The following HAPLN3 variants were observed in gnomAD, a reference collection of about 807,000 sequenced individuals.
The protein encoded by HAPLN3 is hyaluronan and proteoglycan link protein 3, also known as extracellular link domain containing, 1.
In HAPLN3, 28 loss-of-function variants were observed where a neutral mutation model predicts 28.1. That is an observed-to-expected ratio of 1.00 (90% CI 0.74 to 1.37). The LOEUF (loss-of-function observed/expected upper bound fraction) is 1.37. Among genes scored for constraint, HAPLN3 ranks in the 40% most tolerant of loss-of-function variants. The pLI, the probability that HAPLN3 is intolerant of heterozygous loss-of-function variation, is 0.00. For missense variants in HAPLN3, 513 were observed against 504.6 expected (o/e 1.02, Z -0.16); for synonymous variants, 211 against 213.1 (o/e 0.99, Z 0.09).
chr15:88,887,935 C>G (rs1207491927), intron 1 of HAPLN3, among the ~76,000 whole-genome samples: 8 of 151,688 alleles, frequency 5.3e-5, no homozygotes, highest in Admixed American at 2.6e-4. Flanking sequence ...TGCACTCCAG[C>G]CTGGGCAACA....
Position 88,887,405 on chromosome 15 carries a change from C to T in HAPLN3, c.-47-60G>A. On this transcript the variant is annotated intron_variant, in intron 1 of 4. Transcript: ENST00000359595. ...GCCTGGCTTCCAGGGCCCACATCCC[C>T]TCTGCTCCAACACCACTCACTCGCT... 5.5e-6 allele frequency: 8 copies of T among 1,454,810 alleles called. No homozygotes were observed. In the South Asian group the frequency reaches 8.7e-5, roughly 16 times the overall value. 90.1% of individuals were successfully genotyped at this position (1,454,810 alleles called of 1,614,324 possible).
At chr15:88,890,023 GAGGAAGGAAGGAAAGGA>G (rs1456168627) in intron 1 of HAPLN3, among the ~76,000 whole-genome samples, 3 of 148,208 alleles carry the variant, frequency 2.0e-5, no homozygotes, top group African/African-American at 5.0e-5. Context: ...GGAGGAAGGG[GAGGAAGGAAGGAAAGGA>G]AGGAAGGAAG....
rs1336335815 is a variant in HAPLN3, at chr15:88,880,625, G to A, written c.493+732C>T. On this transcript the variant is annotated intron_variant, in intron 3 of 4. Transcript: ENST00000359595. This position sits in a 1 kb window ranked among gnomAD's most constrained non-coding sequence, Gnocchi z 6.0. ...ACAGCCCCATCCTAGAGACAGAGAA[G>A]GTAAATACAAATTAAAGATCAAACA... The A allele has an allele frequency of 1.7e-5, 22 of 1,286,998 alleles. No individual in the cohort carries two copies. The highest frequency in any genetic ancestry group is 5.6e-5 in the East Asian group (1 of 17,984). The allele number at this position is 1,286,998 out of a possible 1,614,324, so 79.7% of individuals were successfully genotyped here.
rs1277619546 is a variant in HAPLN3 at position 88,881,782 on chromosome 15, A to C, written c.125-57T>G. The C allele has an allele frequency of 6.5e-7, 1 of 1,544,152 alleles. No homozygotes were observed. Among genetic ancestry groups the C allele is most frequent in the African/African-American group, 1.4e-5 (1 of 73,446 alleles). On this transcript the variant is annotated intron_variant, in intron 2 of 4. Transcript: ENST00000359595. This position sits in a 1 kb window ranked among gnomAD's most constrained non-coding sequence, Gnocchi z 6.0. Reference sequence around the variant, plus strand: ...TGCTGAAGCACATCTGTACCCCTGCAAGGGCCACCGCACACCCTCATCCAC... The same window carrying C: ...TGCTGAAGCACATCTGTACCCCTGCCAGGGCCACCGCACACCCTCATCCAC...
rs1463784418 is a variant in HAPLN3, at chr15:88,877,812, T to C, written c.*158A>G. 2.7e-6 allele frequency: 2 copies of C among 727,948 alleles called. No individual in the cohort carries two copies. Among genetic ancestry groups the C allele is most frequent in the African/African-American group, 3.6e-5 (2 of 56,146 alleles). The allele number at this position is 727,948 out of a possible 1,614,324, so 45.1% of individuals were successfully genotyped here. The stretch of plus-strand genomic sequence containing the variant: ...TCCAGGAGCAAAGGGAGGCATTGGG[T>C]TCTGTTTGCTTTACAAAAAATAGTA... On this transcript the variant is annotated 3_prime_UTR_variant, in exon 5 of 5. Coordinates refer to ENST00000359595, the MANE Select transcript of HAPLN3 (RefSeq NM_178232.4). The surrounding 1 kb of genome is among the most constrained non-coding windows in gnomAD (Gnocchi z 5.1).
chr15:88,878,987 C>G lies in HAPLN3; in HGVS notation c.776G>C (p.Cys259Ser). The change falls in exon 4 of 5, where the codon TGC becomes TCC. Residue 259 changes from cysteine (C) to serine (S), a missense_variant. Physicochemically the swap from Cys to Ser is moderately radical, Grantham distance 112. Coordinates refer to ENST00000359595, the MANE Select transcript of HAPLN3 (RefSeq NM_178232.4). ...CTCACCCTTGAGGGCAGTAGCGAAG[C>G]AGAATACATCATAGCGGTGCAGGCG... ...HRRLHRYDVF[C>S]FATALKGRVY... 6.2e-7 allele frequency: 1 copy of G among 1,610,260 alleles called. No individual in the cohort carries two copies. The highest frequency in any genetic ancestry group is 1.7e-4 in the Middle Eastern group (1 of 6,056).
In HAPLN3 at chr15:88,879,380, A is replaced by C; in HGVS notation, c.494-111T>G. 1 of 1,560,590 alleles carries C rather than the reference A, an allele frequency of 6.4e-7. No homozygotes were observed. The highest frequency in any genetic ancestry group is 8.6e-7 in the Non-Finnish European group (1 of 1,161,698). On this transcript the variant is annotated intron_variant, in intron 3 of 4. Coordinates refer to ENST00000359595, the MANE Select transcript of HAPLN3 (RefSeq NM_178232.4). The surrounding 1 kb of genome is among the most constrained non-coding windows in gnomAD (Gnocchi z 5.0). ...CATGTGCTGCCTGCAACACACACAC[A>C]TACACCATCCCTCAGAAAAACTCAG...
rs1347410550 is a variant in HAPLN3, at chr15:88,895,274, G to T, written c.-48+185C>A. On this transcript the variant is annotated intron_variant, in intron 1 of 4. Transcript: ENST00000359595. The surrounding 1 kb of genome is among the most constrained non-coding windows in gnomAD (Gnocchi z 5.5). The stretch of plus-strand genomic sequence containing the variant: ...CCGCTCCCTCCCCACTTGTGCCCCG[G>T]GCGCCCCTCGCCCGCGATCACAGCC... Among the ~76,000 whole-genome samples, 1 of 152,196 alleles carries T rather than the reference G, an allele frequency of 6.6e-6. No homozygotes were observed. Among genetic ancestry groups the T allele is most frequent in the Non-Finnish European group, 1.5e-5 (1 of 68,032 alleles).
Position 88,879,269 on chromosome 15 carries a change from C to A in HAPLN3, c.494G>T (p.Gly165Val), listed in dbSNP as rs369432073. The A allele has an allele frequency of 2.5e-6, 4 of 1,605,906 alleles. No individual in the cohort carries two copies. Among genetic ancestry groups the A allele is most frequent in the Non-Finnish European group, 3.4e-6 (4 of 1,175,964 alleles). The change falls in exon 4 of 5, where the codon GGT (glycine) becomes GTT (valine). Residue 165 changes from glycine (G) to valine (V), a missense_variant and splice_region_variant. Transcript: ENST00000359595. This position sits in a 1 kb window ranked among gnomAD's most constrained non-coding sequence, Gnocchi z 5.0. ...ESGLVELELR[G>V]VVFPYQSPNG... ...GGGGGACTGGTAAGGAAAGACCACA[C>A]CTGCAGGGGAAGGAAAGAGGAGCTT...
Position 88,878,096 on chromosome 15 carries a change from A to G in HAPLN3, c.957T>C (p.Gly319=), listed in dbSNP as rs2280463. The part of the protein sequence containing the change: ...DRCDAGWLAD[G]SVRYPVVHPH... Reference sequence around the variant, plus strand: ...GGTGAACCACAGGGTAGCGGACGCTACCATCTGCCAGCCAGCCAGCGTCGC... The same window carrying G: ...GGTGAACCACAGGGTAGCGGACGCTGCCATCTGCCAGCCAGCCAGCGTCGC... Residue 319 remains glycine (G), a synonymous_variant, in exon 5 of 5, where the codon GGT becomes GGC. Transcript: ENST00000359595. The G allele has an allele frequency of 0.33, 526,452 of 1,613,616 alleles. 94,287 individuals are homozygous for G. Among genetic ancestry groups the G allele is most frequent in the African/African-American group, 0.76 (56,963 of 74,948 alleles).
At chr15:88,884,256 G>A (rs901583256) in intron 2 of HAPLN3, among the ~76,000 whole-genome samples, 6 of 151,960 alleles carry the variant, frequency 3.9e-5, no homozygotes, top group African/African-American at 9.7e-5. Context: ...TTTAAATTCC[G>A]CAAATCTCAT....
chr15:88,885,503 G>A (rs1175405395), intron 2 of HAPLN3, among the ~76,000 whole-genome samples: 1 of 149,252 alleles, frequency 6.7e-6, no homozygotes, highest in Non-Finnish European at 1.5e-5. Flanking sequence ...TGTCGTTCAG[G>A]CTGGAGTGCA....
At chr15:88,894,664 C>T (rs1345353638) in intron 1 of HAPLN3, among the ~76,000 whole-genome samples, 3 of 152,242 alleles carry the variant, frequency 2.0e-5, no homozygotes, top group African/African-American at 7.2e-5. Flanking sequence ...CCAGGGAGCA[C>T]AGGCACTCCC....
rs143702356 is a variant in HAPLN3 at position 88,881,628 on chromosome 15, G to A, written c.222C>T (p.Tyr74=). The A allele has an allele frequency of 1.1e-4, 183 of 1,613,980 alleles. 1 individual carries two copies. In the African/African-American group the frequency reaches 1.7e-3, roughly 15 times the overall value. The change falls in exon 3 of 5, where the codon TAC becomes TAT. Residue 74 remains tyrosine, a synonymous_variant. Coordinates refer to ENST00000359595, the MANE Select transcript of HAPLN3 (RefSeq NM_178232.4). The surrounding 1 kb of genome is among the most constrained non-coding windows in gnomAD (Gnocchi z 6.0). Reference sequence around the variant, plus strand: ...GCCGCGGGGAGACCAGGGCCGGCTCGTAGCGGTAGCGGCAGGGCAGGATCA... The same window carrying A: ...GCCGCGGGGAGACCAGGGCCGGCTCATAGCGGTAGCGGCAGGGCAGGATCA... ...ASVILPCRYR[Y]EPALVSPRRV...
chr15:88,881,245 T>G lies in HAPLN3; in HGVS notation c.493+112A>C, dbSNP rs780337816. 4.9e-5 allele frequency: 68 copies of G among 1,376,468 alleles called. No individual in the cohort carries two copies. Among genetic ancestry groups the G allele is most frequent in the Admixed American group, 4.1e-4 (18 of 44,012 alleles). 85.3% of individuals were successfully genotyped at this position (1,376,468 alleles called of 1,614,324 possible). ...ACAGTAGCTTCCATGTGGGTTGTTT[T>G]GAGAATTAAGTACTTTTAAATGTCT... On this transcript the variant is annotated intron_variant, in intron 3 of 4. Coordinates refer to ENST00000359595, the MANE Select transcript of HAPLN3 (RefSeq NM_178232.4). This position sits in a 1 kb window ranked among gnomAD's most constrained non-coding sequence, Gnocchi z 6.0.
rs764575267 is a variant in HAPLN3, at chr15:88,881,520, G to T, written c.330C>A (p.Arg110=). Residue 110 remains arginine, a synonymous_variant, in exon 3 of 5, where the codon CGC becomes CGA. Transcript: ENST00000359595. The surrounding 1 kb of genome is among the most constrained non-coding windows in gnomAD (Gnocchi z 6.0). ...CGCGGCCTTGGTAGTCCCCAAAGGAGCGGTGCCTCAGCCCGATGGCCACCA... is the reference window on the plus strand; with the variant it reads ...CGCGGCCTTGGTAGTCCCCAAAGGATCGGTGCCTCAGCCCGATGGCCACCA... ...DVLVAIGLRH[R]SFGDYQGRVH... is the part of the protein sequence containing the mutation. The T allele has an allele frequency of 1.9e-6, 3 of 1,613,980 alleles. No homozygotes were observed. The highest frequency in any genetic ancestry group is 2.5e-6 in the Non-Finnish European group (3 of 1,180,048).
In HAPLN3 at chr15:88,877,938, T is replaced by C. The variant is rs375141791; in HGVS notation, c.*32A>G. 5.1e-5 allele frequency: 80 copies of C among 1,554,228 alleles called. No individual in the cohort carries two copies. The African/African-American group carries it at 8.2e-4, about 16-fold the overall frequency. On this transcript the variant is annotated 3_prime_UTR_variant, in exon 5 of 5. Coordinates refer to ENST00000359595, the MANE Select transcript of HAPLN3 (RefSeq NM_178232.4). The surrounding 1 kb of genome is among the most constrained non-coding windows in gnomAD (Gnocchi z 5.1). ...AACCACTCAATAAATACACAGCCAG[T>C]GAGGGAATGCGGCAGGGGAGGGCCC...
intron 2 of HAPLN3, among the ~76,000 whole-genome samples, chr15:88,886,024 G>T (rs1239696330): frequency 6.6e-6 from 1 of 152,216 alleles, no homozygotes. Flanking sequence ...AATTCAGCCT[G>T]GTCAGCACCC....
intron 1 of HAPLN3, among the ~76,000 whole-genome samples, chr15:88,891,190 T>C (rs1324616699): frequency 6.6e-6 from 1 of 151,598 alleles, no homozygotes; most frequent in African/African-American, 2.4e-5. Flanking sequence ...TGCATCTCTT[T>C]GTCAACACAG....
Sources: allele counts gnomAD v4.1 joint callset (sites outside exome capture counted in the v4.1 genomes callset), GRCh38; gene constraint gnomAD v4.1.1; non-coding constraint Gnocchi (gnomAD v3.1); transcripts MANE v1.5; gene names NCBI Gene and HGNC (gene_info 2026-07-23, HGNC 2026-07-21).